The following TTC29 variants were observed in gnomAD, a reference collection of about 807,000 sequenced individuals.
TTC29 encodes tetratricopeptide repeat domain 29.
A neutral mutation model predicts 58.1 loss-of-function variants in TTC29; 49 were observed. The observed-to-expected ratio is 0.84, with a 90% confidence interval of 0.67 to 1.07. The LOEUF is 1.07. Among genes scored for constraint, TTC29 ranks in the 50% least tolerant of loss-of-function variants. TTC29 has a pLI of 0.00. For missense variants in TTC29, 582 were observed against 555.6 expected, an observed-to-expected ratio of 1.05 and a Z score of -0.48; for synonymous variants, 209 against 196.8, an observed-to-expected ratio of 1.06 and a Z score of -0.52.
At chr4:146,752,783 C>G (rs1255502036) in intron 11 of TTC29, among the ~76,000 whole-genome samples, 1 of 152,002 alleles carries the variant, frequency 6.6e-6, no homozygotes, top group East Asian at 1.9e-4. Flanking sequence ...ACAAACCTGA[C>G]CAAAACAAGC....
intron 8 of TTC29, among the ~76,000 whole-genome samples, chr4:146,864,703 G>A (rs1249024665): frequency 6.6e-6 from 1 of 152,044 alleles, no homozygotes; most frequent in Non-Finnish European, 1.5e-5. Context: ...ACTTGTGACT[G>A]TATCACTGCA....
At chr4:146,863,186 C>T (rs1180061420) in intron 8 of TTC29, among the ~76,000 whole-genome samples, 1 of 151,718 alleles carries the variant, frequency 6.6e-6, no homozygotes, top group Non-Finnish European at 1.5e-5. Context: ...CTGGAAATAT[C>T]TGCATAGAGT....
chr4:146,776,177 T>C (rs1748076471), intron 11 of TTC29, among the ~76,000 whole-genome samples: 2 of 152,172 alleles, frequency 1.3e-5, no homozygotes, highest in Admixed American at 6.5e-5. Context: ...ATTTCATCTT[T>C]TATTTTCTGT....
At chr4:146,906,823 T>C (rs1733550486) in intron 5 of TTC29, among the ~76,000 whole-genome samples, 1 of 152,206 alleles carries the variant, frequency 6.6e-6, no homozygotes. Flanking sequence ...CTTTGGCTAT[T>C]ATAACTTTGG....
In TTC29 at chr4:146,920,812, G is replaced by C. The variant is rs138376913; in HGVS notation, c.177-11563C>G. Among the ~76,000 whole-genome samples, 312 of 150,894 alleles carry C rather than the reference G, an allele frequency of 2.1e-3. 1 individual carries two copies. Among genetic ancestry groups the C allele is most frequent in the African/African-American group, 7.1e-3 (292 of 41,356 alleles). On this transcript the variant is annotated intron_variant, in intron 4 of 12. Coordinates refer to ENST00000325106, the MANE Select transcript of TTC29 (RefSeq NM_031956.4). ...TGGGTGAGAAATCTGTATGTCTTGG[G>C]TGAGAAATTATATATATTCTATATG...
chr4:146,716,634 T>G (rs1742948826), intron 11 of TTC29, among the ~76,000 whole-genome samples: 1 of 152,066 alleles, frequency 6.6e-6, no homozygotes. Flanking sequence ...TAATGTATGT[T>G]GAGATTTCCA....
chr4:146,903,486 G>T, intron 6 of TTC29, 58 bp downstream of exon 6: 1 of 1,440,908 alleles, frequency 6.9e-7, no homozygotes, highest in Admixed American at 2.3e-5. Flanking sequence ...TTTTTCCATT[G>T]TGTGATCTCA....
chr4:146,915,861 G>A (rs796486054), intron 4 of TTC29, among the ~76,000 whole-genome samples: 37 of 151,720 alleles, frequency 2.4e-4, no homozygotes, highest in African/African-American at 4.6e-4. Context: ...TAAAAAAACC[G>A]TACTTTAAAA....
chr4:146,914,235 T>C (rs1734077359), intron 4 of TTC29, among the ~76,000 whole-genome samples: 1 of 152,116 alleles, frequency 6.6e-6, no homozygotes, highest in Non-Finnish European at 1.5e-5. Flanking sequence ...ATTTCTCAGG[T>C]TTTAAATTTC....
intron 5 of TTC29, among the ~76,000 whole-genome samples, chr4:146,904,291 T>G (rs1258055134): frequency 6.6e-6 from 1 of 152,346 alleles, no homozygotes; most frequent in African/African-American, 2.4e-5. Context: ...AAGCAATGTT[T>G]CTAGCAATAC....
chr4:146,907,121 C>T (rs77487895), intron 5 of TTC29, among the ~76,000 whole-genome samples: 3 of 151,942 alleles, frequency 2.0e-5, no homozygotes, highest in African/African-American at 7.3e-5. Context: ...GAGTTTGTCT[C>T]AAAACAAAAC....
intron 8 of TTC29, among the ~76,000 whole-genome samples, chr4:146,850,864 C>A (rs1288545749): frequency 6.6e-6 from 1 of 151,920 alleles, no homozygotes; most frequent in African/African-American, 2.4e-5. Flanking sequence ...CTGCTGTAAG[C>A]TAATATAAGC....
At chr4:146,726,338 C>G (rs547890264) in intron 11 of TTC29, among the ~76,000 whole-genome samples, 2 of 151,890 alleles carry the variant, frequency 1.3e-5, no homozygotes, top group African/African-American at 2.4e-5. Flanking sequence ...CTGTAATCCC[C>G]GCTACTCAGA....
intron 8 of TTC29, among the ~76,000 whole-genome samples, chr4:146,860,916 C>T (rs989698484): frequency 1.3e-5 from 2 of 152,116 alleles, no homozygotes; most frequent in African/African-American, 4.8e-5. Flanking sequence ...TGTATGTAAA[C>T]ATAGAGATGG....
At chr4:146,830,166 G>C (rs1471037244) in intron 9 of TTC29, among the ~76,000 whole-genome samples, 6 of 152,104 alleles carry the variant, frequency 3.9e-5, no homozygotes, top group Non-Finnish European at 8.8e-5. Context: ...ATTCCAAGTA[G>C]GGGAAGAATG....
Position 146,912,011 on chromosome 4 carries a change from G to A in TTC29, c.177-2762C>T, listed in dbSNP as rs191144885. Among the ~76,000 whole-genome samples, 315 of 152,282 alleles carry A rather than the reference G, an allele frequency of 2.1e-3. 3 individuals are homozygous for A. Among genetic ancestry groups the A allele is most frequent in the Non-Finnish European group, 5.9e-4 (40 of 68,030 alleles). The stretch of plus-strand genomic sequence containing the variant: ...AATTACAAAGTCCTAGAAGTCAGAG[G>A]TGTCCAGTCTTTTGGCTTCTCTGGG... On this transcript the variant is annotated intron_variant, in intron 4 of 12. Transcript: ENST00000325106.
chr4:146,716,415 AT>A (rs1742934228), intron 11 of TTC29, among the ~76,000 whole-genome samples: 1 of 152,054 alleles, frequency 6.6e-6, no homozygotes, highest in Non-Finnish European at 1.5e-5. Context: ...ATATGAGATA[AT>A]TTTTTGTAAT....
chr4:146,779,859 C>G (rs1051629999), intron 11 of TTC29, among the ~76,000 whole-genome samples: 1 of 152,112 alleles, frequency 6.6e-6, no homozygotes, highest in Non-Finnish European at 1.5e-5. Flanking sequence ...CTTGGACCCA[C>G]CAGCTATTTC....
chr4:146,835,129 A>G (rs1728421002), intron 8 of TTC29, among the ~76,000 whole-genome samples: 1 of 152,158 alleles, frequency 6.6e-6, no homozygotes, highest in African/African-American at 2.4e-5. Flanking sequence ...TCTTTTAGCA[A>G]TTTTGAAATA....
Sources: allele counts gnomAD v4.1 joint callset (sites outside exome capture counted in the v4.1 genomes callset), GRCh38; gene constraint gnomAD v4.1.1; transcripts MANE v1.5; gene names NCBI Gene and HGNC (gene_info 2026-07-23, HGNC 2026-07-21).